The following LRRC37A2 variants were observed in gnomAD, a reference collection of about 807,000 sequenced individuals.
The protein encoded by LRRC37A2 is leucine rich repeat containing 37 member A2.
LRRC37A2 carries 9 observed loss-of-function variants against 68.8 expected under a neutral mutation model. The ratio of observed to expected loss-of-function variants is 0.13; its 90% CI spans 0.08 to 0.23. LRRC37A2 has a LOEUF of 0.23. LRRC37A2 is among the 10% of genes least tolerant of loss of function. LRRC37A2 has a pLI of 1.00. For missense variants in LRRC37A2, 168 were observed against 950.4 expected (o/e 0.18, Z 10.82); for synonymous variants, 63 against 367.6 (o/e 0.17, Z 9.48).
the LRRC37A2 span, among the ~76,000 whole-genome samples, chr17:47,013,997 G>A: frequency 1.3e-5 from 2 of 152,160 alleles, no homozygotes; most frequent in Non-Finnish European, 2.9e-5. Context: ...GGAGGCTGAG[G>A]CAGGAGAATC....
At chr17:46,992,425 T>C in the LRRC37A2 span, among the ~76,000 whole-genome samples, 1 of 152,176 alleles carries the variant, frequency 6.6e-6, no homozygotes, top group Non-Finnish European at 1.5e-5. Flanking sequence ...ACTGAAACTA[T>C]CTGGGGGGTT....
chr17:46,494,943 A>G, the LRRC37A2 span, among the ~76,000 whole-genome samples: 2 of 151,094 alleles, frequency 1.3e-5, no homozygotes, highest in African/African-American at 2.5e-5. Flanking sequence ...CTGAGTTTTT[A>G]TGCCCATGAA....
the LRRC37A2 span, among the ~76,000 whole-genome samples, chr17:46,810,424 C>G: frequency 2.6e-5 from 4 of 152,172 alleles, no homozygotes; most frequent in African/African-American, 4.8e-5. Context: ...GGTCCTGATG[C>G]TCAATGGAGA....
chr17:46,961,467 C>T, the LRRC37A2 span, among the ~76,000 whole-genome samples: 5 of 152,028 alleles, frequency 3.3e-5, no homozygotes, highest in South Asian at 1.0e-3. Flanking sequence ...CTCAGGAGTT[C>T]GAGGCTGCAG....
chr17:46,721,926 G>A, the LRRC37A2 span: 31 of 1,594,398 alleles, frequency 1.9e-5, no homozygotes, highest in Middle Eastern at 3.4e-4. Flanking sequence ...TCCAATTCGC[G>A]TACTAGCCGG....
chr17:46,814,664 G>C, the LRRC37A2 span, among the ~76,000 whole-genome samples: 4 of 152,216 alleles, frequency 2.6e-5, no homozygotes, highest in Non-Finnish European at 5.9e-5. Flanking sequence ...CAGCCCCAGC[G>C]AGCTGTAATT....
the LRRC37A2 span, among the ~76,000 whole-genome samples, chr17:46,832,585 C>T: frequency 6.6e-6 from 1 of 152,016 alleles, no homozygotes; most frequent in African/African-American, 2.4e-5. Flanking sequence ...TAAGGCTAGC[C>T]TCTGCAGTTA....
the LRRC37A2 span, among the ~76,000 whole-genome samples, chr17:46,969,119 G>T: frequency 6.6e-6 from 1 of 152,202 alleles, no homozygotes; most frequent in Non-Finnish European, 1.5e-5. Flanking sequence ...AGCGGAAGCC[G>T]ATCTCGCTCT....
the LRRC37A2 span, among the ~76,000 whole-genome samples, chr17:46,901,952 C>T: frequency 6.6e-6 from 1 of 151,992 alleles, no homozygotes; most frequent in Non-Finnish European, 1.5e-5. Context: ...GGATTACAGG[C>T]GCCCGCCACT....
At chr17:46,936,179 A>C in the LRRC37A2 span, 5 of 985,382 alleles carry the variant, frequency 5.1e-6, no homozygotes, top group Non-Finnish European at 1.2e-6. Context: ...CATGAGAGCC[A>C]CCTGCAGTGA....
chr17:46,984,732 C>T, the LRRC37A2 span, among the ~76,000 whole-genome samples: 10 of 152,154 alleles, frequency 6.6e-5, no homozygotes, highest in South Asian at 1.0e-3. Flanking sequence ...TGGATGGACC[C>T]GCCAGAAGGA....
At chr17:46,541,415 C>T (rs2055294434) in intron 8 of LRRC37A2, among the ~76,000 whole-genome samples, 1 of 148,330 alleles carries the variant, frequency 6.7e-6, no homozygotes, top group African/African-American at 2.6e-5. Flanking sequence ...CCACACCTGG[C>T]TAATTTTTGT....
At chr17:46,862,437 G>A in the LRRC37A2 span, among the ~76,000 whole-genome samples, 4 of 152,046 alleles carry the variant, frequency 2.6e-5, no homozygotes, top group African/African-American at 9.7e-5. Flanking sequence ...GCTTGCTACC[G>A]TATGAGTTCA....
At chr17:46,735,551 A>G in the LRRC37A2 span, among the ~76,000 whole-genome samples, 439 of 151,868 alleles carry the variant, frequency 2.9e-3, 5 homozygotes, top group African/African-American at 0.01. Flanking sequence ...CTTGGTGTCT[A>G]TTTCTTCATC....
At chr17:46,868,545 G>A in the LRRC37A2 span, among the ~76,000 whole-genome samples, 8 of 152,246 alleles carry the variant, frequency 5.3e-5, no homozygotes, top group African/African-American at 1.4e-4. Flanking sequence ...GCAGTGAGCC[G>A]AAATCTCAGC....
the LRRC37A2 span, chr17:47,018,578 T>A: frequency 6.6e-7 from 1 of 1,520,336 alleles, no homozygotes; most frequent in South Asian, 1.1e-5. Flanking sequence ...CACATCTGCT[T>A]CCAGAGTCAT....
At chr17:46,667,460 CTTTT>C in the LRRC37A2 span, among the ~76,000 whole-genome samples, 4 of 128,216 alleles carry the variant, frequency 3.1e-5, no homozygotes, top group Non-Finnish European at 5.2e-5. Context: ...GTTTGATTTT[CTTTT>C]TTTTTTTTTT....
At chr17:46,816,479 A>G in the LRRC37A2 span, among the ~76,000 whole-genome samples, 926 of 24,918 alleles carry the variant, frequency 0.037, 12 homozygotes, top group African/African-American at 0.19. Flanking sequence ...ACACACGCAC[A>G]CACACACACA....
chr17:46,816,535 C>G, the LRRC37A2 span, among the ~76,000 whole-genome samples: 136 of 151,476 alleles, frequency 9.0e-4, no homozygotes, highest in Non-Finnish European at 1.7e-3. Context: ...TTGGCTTAGA[C>G]AAAGCAGCAT....
Sources: gnomAD v4.1 joint callset for allele counts (sites outside exome capture counted in the v4.1 genomes callset) on GRCh38, gnomAD v4.1.1 for gene constraint, MANE v1.5 for transcripts, NCBI Gene and HGNC (gene_info 2026-07-23, HGNC 2026-07-21) for gene names.